ELOVL5: variants seen among roughly 807,000 people sequenced by gnomAD.
ELOVL5 encodes very long chain fatty acid elongase 5.
ELOVL5 carries 8 observed loss-of-function variants against 38.6 expected under a neutral mutation model. The ratio of observed to expected loss-of-function variants is 0.21; its 90% CI spans 0.12 to 0.37. ELOVL5 has a LOEUF of 0.37. Ranked by LOEUF, ELOVL5 falls within the 10% of genes least tolerant of loss-of-function variation. The pLI, the probability that ELOVL5 is intolerant of heterozygous loss-of-function variation, is 1.00. For synonymous variants in ELOVL5, 127 were observed against 133.7 expected, an observed-to-expected ratio of 0.95 and a Z score of 0.34; for missense variants, 280 against 367.8, an observed-to-expected ratio of 0.76 and a Z score of 1.95.
chr6:53,300,709 C>T (rs1174883018), intron 1 of ELOVL5, among the ~76,000 whole-genome samples: 2 of 152,144 alleles, frequency 1.3e-5, no homozygotes, highest in Non-Finnish European at 2.9e-5. Flanking sequence ...GAGTGGGCAG[C>T]ACAATGGGAG....
chr6:53,276,748 C>G (rs917898158), intron 3 of ELOVL5, among the ~76,000 whole-genome samples: 1 of 152,100 alleles, frequency 6.6e-6, no homozygotes, highest in Non-Finnish European at 1.5e-5. Flanking sequence ...GTATGTCTAA[C>G]AAGGTCCAGG....
In ELOVL5 at chr6:53,291,670, G is replaced by C. The variant is rs1766779257; in HGVS notation, c.246+106C>G. On this transcript the variant is annotated intron_variant, in intron 3 of 7. Coordinates refer to ENST00000304434, the MANE Select transcript of ELOVL5 (RefSeq NM_021814.5). ...CATTAAGATACTTGCTTGCCCAGTT[G>C]TCTCTACACCCCAAGCGGCCACCTT... 3.6e-6 allele frequency: 3 copies of C among 823,904 alleles called. No homozygotes were observed. The African/African-American group carries it at 5.3e-5, about 14-fold the overall frequency. 51.0% of individuals were successfully genotyped at this position (823,904 alleles called of 1,614,324 possible).
chr6:53,288,762 T>C (rs563560939), intron 3 of ELOVL5, among the ~76,000 whole-genome samples: 1 of 152,298 alleles, frequency 6.6e-6, no homozygotes, highest in South Asian at 2.1e-4. Context: ...TCATCTCCCT[T>C]CTTTCAAGAC....
intron 1 of ELOVL5, among the ~76,000 whole-genome samples, chr6:53,297,001 A>C (rs1767027830): frequency 6.6e-6 from 1 of 152,238 alleles, no homozygotes; most frequent in Middle Eastern, 3.2e-3. Context: ...GTCAATCCAG[A>C]TGAGATGGGA....
chr6:53,306,083 A>C (rs1480784818), intron 1 of ELOVL5, among the ~76,000 whole-genome samples: 1 of 150,788 alleles, frequency 6.6e-6, no homozygotes, highest in Non-Finnish European at 1.5e-5. Context: ...GCGCGCCTGC[A>C]ATTGCAGGCA....
chr6:53,305,383 C>G lies in ELOVL5; in HGVS notation c.-8-9676G>C, dbSNP rs1311280718. ...GCGGCTGGCCTGGCGGGGGCTGACC[C>G]CCCCCCACCTCCCTCCCGGGCGGGG... On this transcript the variant is annotated intron_variant, in intron 1 of 7. Coordinates refer to ENST00000304434, the MANE Select transcript of ELOVL5 (RefSeq NM_021814.5). 4.2e-5 allele frequency among the ~76,000 whole-genome samples: 6 copies of G among 143,770 alleles called. No individual in the cohort carries two copies. The East Asian group carries it at 6.6e-4, about 16-fold the overall frequency. 94.3% of individuals were successfully genotyped at this position (143,770 alleles called of 152,430 possible). A position where few individuals can be genotyped will look rare whatever the true frequency, so the allele number is the denominator to read the frequency against.
At chr6:53,295,862 C>T (rs1247654377) in intron 1 of ELOVL5, among the ~76,000 whole-genome samples, 155 bp from the exon 2 acceptor site, 1 of 152,106 alleles carries the variant, frequency 6.6e-6, no homozygotes, top group Non-Finnish European at 1.5e-5. Context: ...ACAGAAGTGA[C>T]TTCTGTGCTA....
intron 3 of ELOVL5, among the ~76,000 whole-genome samples, chr6:53,289,362 T>C (rs1766688471): frequency 1.3e-5 from 2 of 152,158 alleles, no homozygotes; most frequent in South Asian, 4.1e-4. Context: ...GTTCGTTCCA[T>C]TGTAAAACTC....
At chr6:53,343,962 G>A (rs1769434668) in intron 1 of ELOVL5, among the ~76,000 whole-genome samples, 1 of 152,182 alleles carries the variant, frequency 6.6e-6, no homozygotes, top group Admixed American at 6.5e-5. Flanking sequence ...TTCTCACCAG[G>A]GAAAAGTGTA....
At chr6:53,294,463 A>G (rs1288773070) in intron 2 of ELOVL5, 11 of 1,550,402 alleles carry the variant, frequency 7.1e-6, no homozygotes, top group Non-Finnish European at 9.6e-6. Context: ...GAAGTGGGGG[A>G]CCCATTCTGA....
chr6:53,287,252 C>T (rs1274623873), intron 3 of ELOVL5, among the ~76,000 whole-genome samples: 2 of 152,186 alleles, frequency 1.3e-5, no homozygotes, highest in Non-Finnish European at 2.9e-5. Context: ...AGGAAACATA[C>T]ACAGATACTC....
At chr6:53,305,157 ACCCCCCCAC>A (rs1767444569) in intron 1 of ELOVL5, among the ~76,000 whole-genome samples, 8 of 101,600 alleles carry the variant, frequency 7.9e-5, no homozygotes, top group East Asian at 3.0e-4. Context: ...CAGGGGGCTG[ACCCCCCCAC>A]CTCCCTCCCG....
intron 1 of ELOVL5, among the ~76,000 whole-genome samples, chr6:53,348,054 C>A (rs992106755): frequency 4.7e-5 from 7 of 147,888 alleles, no homozygotes; most frequent in Non-Finnish European, 7.5e-5. Context: ...TCGCAGCCAA[C>A]CGCTCCCGCC....
chr6:53,267,652 T>C lies in ELOVL5; in HGVS notation c.*1475A>G, dbSNP rs1181097536. On this transcript the variant is annotated 3_prime_UTR_variant, in exon 8 of 8. Coordinates refer to ENST00000304434, the MANE Select transcript of ELOVL5 (RefSeq NM_021814.5). Reference sequence around the variant, plus strand: ...TCAAACAGAAAACCCACAAGACTAATAGAGAACCAATAGGCTCCCTATAGT... The same window carrying C: ...TCAAACAGAAAACCCACAAGACTAACAGAGAACCAATAGGCTCCCTATAGT... 2.6e-5 allele frequency: 4 copies of C among 152,740 alleles called. No individual in the cohort carries two copies. Among genetic ancestry groups the C allele is most frequent in the South Asian group, 4.1e-4 (2 of 4,830 alleles). 9.5% of individuals were successfully genotyped at this position (152,740 alleles called of 1,614,324 possible). A position where few individuals can be genotyped will look rare whatever the true frequency, so the allele number is the denominator to read the frequency against.
intron 3 of ELOVL5, among the ~76,000 whole-genome samples, chr6:53,278,493 CTT>C (rs1449482122): frequency 6.6e-6 from 1 of 152,174 alleles, no homozygotes; most frequent in Non-Finnish European, 1.5e-5. Flanking sequence ...TGCCTTGACT[CTT>C]TAAACTAGTT....
intron 1 of ELOVL5, among the ~76,000 whole-genome samples, chr6:53,340,638 A>G (rs1422727603): frequency 1.3e-5 from 2 of 152,228 alleles, no homozygotes; most frequent in Non-Finnish European, 2.9e-5. Context: ...ACAGCTAGCT[A>G]CAGTATTCAG....
intron 1 of ELOVL5, among the ~76,000 whole-genome samples, chr6:53,309,059 C>T (rs1767718121): frequency 6.6e-6 from 1 of 151,972 alleles, no homozygotes; most frequent in Non-Finnish European, 1.5e-5. Flanking sequence ...GATTTTTTAC[C>T]GGTAAGCTCT....
At chr6:53,344,827 T>C (rs537155971) in intron 1 of ELOVL5, among the ~76,000 whole-genome samples, 1 of 152,334 alleles carries the variant, frequency 6.6e-6, no homozygotes, top group East Asian at 1.9e-4. Flanking sequence ...ACTCGCTTAC[T>C]CTCCAAACTC....
rs777088970 is a variant in ELOVL5, at chr6:53,269,283, A to C, written c.757-13T>G. 1.9e-6 allele frequency: 3 copies of C among 1,577,416 alleles called. No homozygotes were observed. The highest frequency in any genetic ancestry group is 2.6e-6 in the Non-Finnish European group (3 of 1,165,492). On this transcript the variant is annotated splice_polypyrimidine_tract_variant and intron_variant, in intron 7 of 7. Coordinates refer to ENST00000304434, the MANE Select transcript of ELOVL5 (RefSeq NM_021814.5). ...TCTTGTTGTAGGTCTAAAATGTGTA[A>C]GGGCAGATGAGAACCAAATGACCAC...
Sources: gnomAD v4.1 joint callset for allele counts (sites outside exome capture counted in the v4.1 genomes callset) on GRCh38, gnomAD v4.1.1 for gene constraint, MANE v1.5 for transcripts, NCBI Gene and HGNC (gene_info 2026-07-23, HGNC 2026-07-21) for gene names.